PDLIM5: variants seen among roughly 807,000 people sequenced by gnomAD.
PDLIM5 encodes PDZ and LIM domain 5.
Under a neutral mutation model 64.2 loss-of-function variants are expected in PDLIM5, and 34 were observed. That is an observed-to-expected ratio of 0.53 (90% CI 0.40 to 0.71). PDLIM5 has a LOEUF of 0.71. PDLIM5 is among the 30% of genes least tolerant of loss of function. PDLIM5 has a pLI of 0.00. For missense variants in PDLIM5, 683 were observed against 733.6 expected (o/e 0.93, Z 0.80); for synonymous variants, 253 against 269.1 (o/e 0.94, Z 0.59).
intron 9 of PDLIM5, among the ~76,000 whole-genome samples, chr4:94,646,100 CT>C (rs1741392571): frequency 6.6e-6 from 1 of 152,114 alleles, no homozygotes; most frequent in South Asian, 2.1e-4. Flanking sequence ...TGCCGCTGTC[CT>C]TAGATATCAC....
At chr4:94,534,441 T>C (rs1731146252) in intron 3 of PDLIM5, among the ~76,000 whole-genome samples, 1 of 152,212 alleles carries the variant, frequency 6.6e-6, no homozygotes, top group Non-Finnish European at 1.5e-5. Context: ...AGATTTACAT[T>C]ATGACTAGCA....
chr4:94,455,964 G>T, intron 2 of PDLIM5: 4 of 1,496,348 alleles, frequency 2.7e-6, no homozygotes, highest in Non-Finnish European at 3.6e-6. Context: ...GATTTAGTTT[G>T]AATGTATTCT....
At chr4:94,453,856 G>C (rs960540615) in intron 1 of PDLIM5, among the ~76,000 whole-genome samples, 1 of 152,142 alleles carries the variant, frequency 6.6e-6, no homozygotes, top group Admixed American at 6.5e-5. Context: ...CATTACTGAA[G>C]TAATGTGTTA....
In PDLIM5 at chr4:94,665,968, T is replaced by A. The variant is rs1474992700; in HGVS notation, c.*1901T>A. 3.9e-6 allele frequency: 6 copies of A among 1,530,300 alleles called. No individual in the cohort carries two copies. The highest frequency in any genetic ancestry group is 2.0e-5 in the Admixed American group (1 of 50,468). 94.8% of individuals were successfully genotyped at this position (1,530,300 alleles called of 1,614,324 possible). ...GTAAAACTGTGGATCCTGTTGCTAT[T>A]TGCCCAGTGAGAAAACAGATTCTGG... On this transcript the variant is annotated 3_prime_UTR_variant, in exon 13 of 13. Transcript: ENST00000317968.
intron 8 of PDLIM5, among the ~76,000 whole-genome samples, chr4:94,636,741 T>G (rs1024832674): frequency 4.6e-5 from 7 of 152,066 alleles, no homozygotes; most frequent in Non-Finnish European, 8.8e-5. Flanking sequence ...TTCACCGTGT[T>G]AGCCAGGATG....
At chr4:94,610,301 C>A (rs1351168569) in intron 7 of PDLIM5, 1 of 1,511,076 alleles carries the variant, frequency 6.6e-7, no homozygotes, top group East Asian at 2.5e-5. Context: ...GCTACAAAAA[C>A]CAGGTAGAAC....
intron 7 of PDLIM5, among the ~76,000 whole-genome samples, chr4:94,590,694 TG>T (rs1399544446): frequency 1.3e-5 from 2 of 152,020 alleles, no homozygotes; most frequent in Admixed American, 1.3e-4. Flanking sequence ...GAGACAAGTG[TG>T]GAAAGGAGCA....
In PDLIM5 at chr4:94,575,929, A is replaced by G; in HGVS notation, c.605A>G (p.Asn202Ser). 1 of 1,614,174 alleles carries G rather than the reference A, an allele frequency of 6.2e-7. No homozygotes were observed. The highest frequency in any genetic ancestry group is 8.5e-7 in the Non-Finnish European group (1 of 1,180,010). Residue 202 changes from asparagine (N) to serine (S), a missense_variant, in exon 5 of 13, where the codon AAT (asparagine) becomes AGT (serine). Coordinates refer to ENST00000317968, the MANE Select transcript of PDLIM5 (RefSeq NM_006457.5). ...CTGAGCGCTGGTAAAACTGCAGTTAATGTCCCACGGCAGCCCACAGTCACC... is the reference window on the plus strand; with the variant it reads ...CTGAGCGCTGGTAAAACTGCAGTTAGTGTCCCACGGCAGCCCACAGTCACC... ...SALSAGKTAV[N>S]VPRQPTVTSV...
intron 9 of PDLIM5, 143 bp downstream of exon 9, chr4:94,640,593 A>T (rs1299973835): frequency 2.0e-6 from 1 of 502,396 alleles, no homozygotes; most frequent in African/African-American, 2.0e-5. Flanking sequence ...TATTGAGTAA[A>T]TACGAATATC....
chr4:94,541,708 A>C (rs1354553515), intron 3 of PDLIM5, among the ~76,000 whole-genome samples: 2 of 152,212 alleles, frequency 1.3e-5, no homozygotes, highest in Non-Finnish European at 2.9e-5. Flanking sequence ...TGAGAACAGA[A>C]CTTCCATATA....
intron 3 of PDLIM5, among the ~76,000 whole-genome samples, chr4:94,526,734 C>G (rs1337499722): frequency 6.8e-6 from 1 of 147,246 alleles, no homozygotes; most frequent in East Asian, 2.0e-4. Context: ...GCATTTCTTT[C>G]TTTCTTTTTT....
At chr4:94,657,662 G>T in intron 11 of PDLIM5, 115 bp downstream of exon 11, 2 of 772,788 alleles carry the variant, frequency 2.6e-6, no homozygotes, top group East Asian at 2.7e-5. Flanking sequence ...TAATTGTTTT[G>T]GAAGCATTTA....
At chr4:94,568,147 C>T (rs1433854329) in intron 3 of PDLIM5, among the ~76,000 whole-genome samples, 1 of 152,142 alleles carries the variant, frequency 6.6e-6, no homozygotes, top group East Asian at 1.9e-4. Context: ...TAATAAACAC[C>T]TTAACATGAT....
intron 9 of PDLIM5, among the ~76,000 whole-genome samples, chr4:94,652,345 A>G (rs1230930024): frequency 2.6e-5 from 4 of 152,194 alleles, no homozygotes; most frequent in Admixed American, 1.3e-4. Context: ...AGAGAGTAGC[A>G]TGAAACCCCA....
chr4:94,481,121 T>C (rs1251420952), intron 2 of PDLIM5, among the ~76,000 whole-genome samples: 1 of 152,196 alleles, frequency 6.6e-6, no homozygotes, highest in Non-Finnish European at 1.5e-5. Flanking sequence ...CCTTTACATT[T>C]TTAAATATCT....
At chr4:94,577,241 G>A (rs536885488) in intron 5 of PDLIM5, 5 of 457,048 alleles carry the variant, frequency 1.1e-5, no homozygotes, top group African/African-American at 2.0e-5. Context: ...TAAAATACTT[G>A]TGTGGATAGG....
At chr4:94,455,993 T>G in intron 2 of PDLIM5, 4 of 1,444,572 alleles carry the variant, frequency 2.8e-6, no homozygotes, top group Non-Finnish European at 3.6e-6. Flanking sequence ...ATTTTAAGGA[T>G]ATGTTTTCAT....
chr4:94,518,654 A>G (rs566987152), intron 2 of PDLIM5, among the ~76,000 whole-genome samples: 18 of 152,326 alleles, frequency 1.2e-4, no homozygotes, highest in Admixed American at 3.3e-4. Flanking sequence ...ATGTTCATGT[A>G]TATTATTTTA....
chr4:94,506,876 G>A (rs1242052828), intron 2 of PDLIM5, among the ~76,000 whole-genome samples: 1 of 152,138 alleles, frequency 6.6e-6, no homozygotes, highest in Non-Finnish European at 1.5e-5. Context: ...TGCCAGCACC[G>A]CTAGAACAAA....
Sources: gnomAD v4.1 joint callset for allele counts (sites outside exome capture counted in the v4.1 genomes callset) on GRCh38, gnomAD v4.1.1 for gene constraint, MANE v1.5 for transcripts, NCBI Gene and HGNC (gene_info 2026-07-23, HGNC 2026-07-21) for gene names.